Variants in TAB2 observed in about 807,000 individuals in gnomAD.
TAB2 encodes TGF-beta-activated kinase 1 and MAP3K7-binding protein 2.
TAB2 carries 3 observed loss-of-function variants against 65.0 expected under a neutral mutation model. That is an observed-to-expected ratio of 0.05 (90% CI 0.02 to 0.12). The LOEUF (loss-of-function observed/expected upper bound fraction) is 0.12, where lower values mean the gene tolerates loss of function less well. Ranked by LOEUF, TAB2 falls within the 10% of genes least tolerant of loss-of-function variation. TAB2 has a pLI of 1.00. For missense variants in TAB2, 623 were observed against 840.3 expected (o/e 0.74, Z 3.20); for synonymous variants, 298 against 285.1 (o/e 1.05, Z -0.46).
At chr6:149,381,109 C>T (rs1302258212) in intron 3 of TAB2, among the ~76,000 whole-genome samples, 5 of 152,202 alleles carry the variant, frequency 3.3e-5, no homozygotes, top group African/African-American at 7.2e-5. Flanking sequence ...AAATAAAGTA[C>T]GCAGGGCTCT....
chr6:149,401,292 A>G (rs1038338299), intron 6 of TAB2: 4 of 166,820 alleles, frequency 2.4e-5, no homozygotes, highest in Non-Finnish European at 4.4e-5. Flanking sequence ...AAATAAAAAC[A>G]GGATCCAATA....
intron 1 of TAB2, among the ~76,000 whole-genome samples, chr6:149,353,166 A>G (rs931757674): frequency 5.3e-5 from 8 of 152,128 alleles, no homozygotes; most frequent in Non-Finnish European, 1.0e-4. Flanking sequence ...CAGAAATTCT[A>G]AAACTCATTA....
chr6:149,391,639 T>G (rs1781988777), intron 3 of TAB2, among the ~76,000 whole-genome samples: 1 of 152,206 alleles, frequency 6.6e-6, no homozygotes, highest in South Asian at 2.1e-4. Flanking sequence ...CCTCCCAGGC[T>G]CAAATGATCC....
intron 6 of TAB2, among the ~76,000 whole-genome samples, chr6:149,402,608 G>A (rs1170015659): frequency 6.6e-6 from 1 of 152,142 alleles, no homozygotes; most frequent in African/African-American, 2.4e-5. Context: ...TGAGAAGGGG[G>A]AACACTTCCA....
At chr6:149,338,294 G>A (rs574718841) in intron 1 of TAB2, among the ~76,000 whole-genome samples, 2 of 152,230 alleles carry the variant, frequency 1.3e-5, no homozygotes, top group African/African-American at 2.4e-5. Flanking sequence ...ATGAAGCTTC[G>A]TGGAAAAATC....
At chr6:149,230,678 C>T (rs1474746011) in intron 1 of TAB2, among the ~76,000 whole-genome samples, 1 of 152,184 alleles carries the variant, frequency 6.6e-6, no homozygotes, top group Admixed American at 6.5e-5. Flanking sequence ...TCTAGGCAGT[C>T]ATAATCCACA....
At position 149,312,680 on chromosome 6, in the gene TAB2, C is replaced by A. The variant is rs80263957; in HGVS notation, c.-120-65338C>A. 1.6e-4 allele frequency among the ~76,000 whole-genome samples: 25 copies of A among 152,250 alleles called. No individual in the cohort carries two copies. The East Asian group carries it at 4.8e-3, about 29-fold the overall frequency. On this transcript the variant is annotated intron_variant, in intron 1 of 1. Coordinates refer to the TAB2 transcript ENST00000606202. ...GCCCTGCCTCCATGTGTTTTGAAAC[C>A]GCTAAAATTCTTTGCTTTTCACATA...
At chr6:149,274,571 A>T (rs971658708) in intron 1 of TAB2, among the ~76,000 whole-genome samples, 10 of 152,220 alleles carry the variant, frequency 6.6e-5, no homozygotes, top group Admixed American at 6.5e-4. Flanking sequence ...CCTGCAAGAT[A>T]ATTCCCTTTC....
chr6:149,244,163 G>C (rs1477211697), intron 1 of TAB2: 1 of 152,238 alleles, frequency 6.6e-6, no homozygotes, highest in African/African-American at 2.4e-5. Flanking sequence ...CAAAGGCTGA[G>C]GCTTTCCAGT....
At chr6:149,234,921 C>T (rs1777469241) in intron 1 of TAB2, among the ~76,000 whole-genome samples, 1 of 144,832 alleles carries the variant, frequency 6.9e-6, no homozygotes, top group African/African-American at 2.6e-5. Context: ...TAAGAATAGA[C>T]CAAAAACAAA....
chr6:149,329,684 G>A (rs1583094290), intron 1 of TAB2, among the ~76,000 whole-genome samples: 1 of 141,872 alleles, frequency 7.0e-6, no homozygotes, highest in Admixed American at 7.0e-5. Context: ...CGGGGTTGGG[G>A]GGTGGAAGTA....
rs1253902027 is a variant in TAB2, at chr6:149,399,279, T to C, written c.1939+95T>C. 3.3e-6 allele frequency: 3 copies of C among 895,806 alleles called. No individual in the cohort carries two copies. In the African/African-American group the frequency reaches 5.0e-5, roughly 15 times the overall value. 55.5% of individuals were successfully genotyped at this position (895,806 alleles called of 1,614,324 possible). A position where few individuals can be genotyped will look rare whatever the true frequency, so the allele number is the denominator to read the frequency against. ...CAGCAACCTTCCTCTCTAGAATTGC[T>C]TCAAACTTTGGCATTCTTAAATGAA... On this transcript the variant is annotated intron_variant, in intron 6 of 6. Transcript: ENST00000637181.
chr6:149,364,416 G>A (rs1780972216), intron 1 of TAB2, among the ~76,000 whole-genome samples: 1 of 152,094 alleles, frequency 6.6e-6, no homozygotes. Flanking sequence ...TGATGTGAAA[G>A]AGAAAAACAG....
chr6:149,404,713 T>C (rs575016282), intron 6 of TAB2, among the ~76,000 whole-genome samples: 2 of 152,278 alleles, frequency 1.3e-5, no homozygotes, highest in Non-Finnish European at 2.9e-5. Flanking sequence ...GATATTCACA[T>C]GCAGATGAAT....
At chr6:149,261,442 A>G (rs1329883235) in intron 1 of TAB2, among the ~76,000 whole-genome samples, 1 of 152,240 alleles carries the variant, frequency 6.6e-6, no homozygotes, top group Non-Finnish European at 1.5e-5. Context: ...CTATTTTAAA[A>G]AGCATGTGTT....
intron 1 of TAB2, among the ~76,000 whole-genome samples, chr6:149,296,804 T>A (rs1261541185): frequency 6.6e-6 from 1 of 152,232 alleles, no homozygotes; most frequent in Non-Finnish European, 1.5e-5. Context: ...GTTAACTAGC[T>A]AGGCCAAGGT....
intron 1 of TAB2, among the ~76,000 whole-genome samples, chr6:149,264,976 C>T (rs887783373): frequency 9.9e-5 from 15 of 152,280 alleles, no homozygotes; most frequent in African/African-American, 3.6e-4. Flanking sequence ...TCCTATTCTG[C>T]TGTTTTTACC....
chr6:149,400,318 G>T, intron 6 of TAB2: 1 of 1,516,456 alleles, frequency 6.6e-7, no homozygotes. Flanking sequence ...TCTTCCTGCT[G>T]CTCGTGTACT....
chr6:149,348,927 G>T (rs1347913473), intron 1 of TAB2, among the ~76,000 whole-genome samples: 2 of 149,990 alleles, frequency 1.3e-5, no homozygotes, highest in Non-Finnish European at 3.0e-5. Flanking sequence ...AGATCGCACC[G>T]TTGAACTCCA....
Sources: gnomAD v4.1 joint callset for allele counts (sites outside exome capture counted in the v4.1 genomes callset) on GRCh38, gnomAD v4.1.1 for gene constraint, MANE v1.5 for transcripts, NCBI Gene and HGNC (gene_info 2026-07-23, HGNC 2026-07-21) for gene names.